CRTAM: variants seen among roughly 807,000 people sequenced by gnomAD.
CRTAM encodes the protein cytotoxic and regulatory T cell molecule, also known as cytotoxic and regulatory T-cell molecule.
In CRTAM, 44 loss-of-function variants were observed where a neutral mutation model predicts 50.0. The observed-to-expected ratio is 0.88, with a 90% confidence interval of 0.69 to 1.13. CRTAM has a LOEUF of 1.13. Among genes scored for constraint, CRTAM ranks in the 50% most tolerant of loss-of-function variants. CRTAM has a pLI of 0.00. For synonymous variants in CRTAM, 159 were observed against 169.3 expected (o/e 0.94, Z 0.47); for missense variants, 448 against 457.5 (o/e 0.98, Z 0.19).
chr11:122,851,180 C>A (rs1352995550), intron 2 of CRTAM, among the ~76,000 whole-genome samples: 1 of 151,398 alleles, frequency 6.6e-6, no homozygotes, highest in Non-Finnish European at 1.5e-5. Context: ...GCAGGAGAAT[C>A]ACTTGAATCT....
intron 4 of CRTAM, 81 bp downstream of exon 4, chr11:122,854,167 T>A: frequency 7.2e-7 from 1 of 1,382,306 alleles, no homozygotes; most frequent in South Asian, 1.3e-5. Flanking sequence ...CACCCTCTAG[T>A]GGCAGACAAT....
intron 5 of CRTAM, among the ~76,000 whole-genome samples, chr11:122,860,343 CCTGGCCTA>C (rs1862055659): frequency 6.6e-6 from 1 of 152,048 alleles, no homozygotes; most frequent in African/African-American, 2.4e-5. Context: ...AGCCACTGCA[CCTGGCCTA>C]AATTTTTAAT....
chr11:122,866,138 C>G (rs1862170258), intron 7 of CRTAM, among the ~76,000 whole-genome samples: 1 of 152,172 alleles, frequency 6.6e-6, no homozygotes, highest in South Asian at 2.1e-4. Context: ...CTATTACCTA[C>G]TTCTGCAGTC....
chr11:122,854,153 T>TTGGCACCCTCTAG, intron 4 of CRTAM, 67 bp downstream of exon 4: 1 of 1,548,074 alleles, frequency 6.5e-7, no homozygotes, highest in Non-Finnish European at 8.8e-7. Flanking sequence ...TTTAAATGTT[T>TTGGCACCCTCTAG]TGGCACCCTC....
At chr11:122,855,546 A>T in intron 4 of CRTAM, 149 bp from the exon 5 acceptor site, 1 of 584,892 alleles carries the variant, frequency 1.7e-6, no homozygotes, top group Non-Finnish European at 2.9e-6. Context: ...CTTTGTGACC[A>T]GAACCAAGCC....
intron 3 of CRTAM, among the ~76,000 whole-genome samples, chr11:122,853,365 C>T (rs572342627): frequency 3.3e-5 from 5 of 151,978 alleles, no homozygotes; most frequent in South Asian, 4.2e-4. Context: ...CCACCTCGCC[C>T]GGCCTCATAT....
chr11:122,854,953 A>G (rs1861985945), intron 4 of CRTAM, among the ~76,000 whole-genome samples: 2 of 151,982 alleles, frequency 1.3e-5, no homozygotes, highest in South Asian at 2.1e-4. Context: ...TATGTAATCA[A>G]CCATCTTTTT....
At chr11:122,865,363 C>T (rs866982143) in intron 7 of CRTAM, among the ~76,000 whole-genome samples, 8 of 152,082 alleles carry the variant, frequency 5.3e-5, no homozygotes, top group Admixed American at 3.9e-4. Context: ...AAAGAGTTTA[C>T]TCATTCCCAA....
In CRTAM at chr11:122,861,423, T is replaced by G. The variant is rs1313842855; in HGVS notation, c.653-1041T>G. 9.3e-3 allele frequency among the ~76,000 whole-genome samples: 354 copies of G among 37,984 alleles called. 10 individuals are homozygous for G. The highest frequency in any genetic ancestry group is 0.034 in the African/African-American group (284 of 8,240). The allele number at this position is 37,984 out of a possible 152,430, so 24.9% of individuals were successfully genotyped here. A position where few individuals can be genotyped will look rare whatever the true frequency, so the allele number is the denominator to read the frequency against. ...ATATATATATATATATATATATATT[T>G]TTTTTTTTTTTTTTTTTTTTTTTTT... is the stretch of plus-strand genomic sequence containing the variant. On this transcript the variant is annotated intron_variant, in intron 5 of 9. Transcript: ENST00000227348.
intron 9 of CRTAM, 129 bp from the exon 10 acceptor site, chr11:122,871,140 C>A: frequency 1.2e-6 from 1 of 831,954 alleles, no homozygotes; most frequent in Non-Finnish European, 1.9e-6. Context: ...TTATATGCAT[C>A]AGTAAGTTTT....
intron 1 of CRTAM, among the ~76,000 whole-genome samples, chr11:122,847,839 G>A (rs1435943220): frequency 6.6e-6 from 1 of 152,166 alleles, no homozygotes; most frequent in East Asian, 1.9e-4. Context: ...CTTATGCTAT[G>A]GAAAAGACTT....
chr11:122,867,365 A>T (rs2135255330), intron 7 of CRTAM, 44 bp from the exon 8 acceptor site: 2 of 1,568,126 alleles, frequency 1.3e-6, no homozygotes, highest in East Asian at 2.2e-5. Flanking sequence ...AAAAAAAAAA[A>T]AAAAACCCAA....
intron 1 of CRTAM, among the ~76,000 whole-genome samples, chr11:122,846,169 G>A (rs1021244166): frequency 2.6e-5 from 4 of 152,166 alleles, no homozygotes; most frequent in Admixed American, 2.0e-4. Flanking sequence ...TGTAGGGCAC[G>A]CCAAGTATGC....
At chr11:122,850,453 A>C (rs578242256) in intron 2 of CRTAM, among the ~76,000 whole-genome samples, 1 of 152,336 alleles carries the variant, frequency 6.6e-6, no homozygotes, top group South Asian at 2.1e-4. Flanking sequence ...GGTTCAGATT[A>C]CAAAGCACAT....
intron 3 of CRTAM, 129 bp downstream of exon 3, chr11:122,851,974 T>A: frequency 1.4e-6 from 1 of 727,998 alleles, no homozygotes; most frequent in Non-Finnish European, 2.2e-6. Context: ...ACCTCTGCCA[T>A]CTTTTATTGA....
At chr11:122,867,329 A>G (rs911750607) in intron 7 of CRTAM, 80 bp from the exon 8 acceptor site, 4 of 1,233,078 alleles carry the variant, frequency 3.2e-6, no homozygotes, top group Non-Finnish European at 4.5e-6. Flanking sequence ...ACATTGTAGA[A>G]GTATTGTTAC....
chr11:122,868,209 TGTGTGTG>T, intron 9 of CRTAM, 110 bp downstream of exon 9: 1 of 603,804 alleles, frequency 1.7e-6, no homozygotes, highest in South Asian at 2.2e-5. Flanking sequence ...TGTGTGTGTG[TGTGTGTG>T]TGTGTGTGTG....
chr11:122,869,512 G>A (rs985984350), intron 9 of CRTAM, among the ~76,000 whole-genome samples: 2 of 152,184 alleles, frequency 1.3e-5, no homozygotes, highest in African/African-American at 4.8e-5. Context: ...AGGAGATTGT[G>A]TATGGGAAGT....
Position 122,851,794 on chromosome 11 carries a change from T to C in CRTAM, c.295T>C (p.Leu99=), listed in dbSNP as rs930690106. Reference sequence around the variant, plus strand: ...GCAAGATGAAGGCGTGTACAAGTGCTTACATTACAGCGACTCTGTAAGCAC... The same window carrying C: ...GCAAGATGAAGGCGTGTACAAGTGCCTACATTACAGCGACTCTGTAAGCAC... ...TLQDEGVYKC[L]HYSDSVSTKE... The change falls in exon 3 of 10, where the codon TTA becomes CTA. Residue 99 remains leucine (L), a synonymous_variant. Transcript: ENST00000227348. The C allele has an allele frequency of 6.8e-6, 11 of 1,614,076 alleles. No individual in the cohort carries two copies. In the Admixed American group the frequency reaches 1.3e-4, roughly 20 times the overall value.
Sources: allele counts gnomAD v4.1 joint callset (sites outside exome capture counted in the v4.1 genomes callset), GRCh38; gene constraint gnomAD v4.1.1; transcripts MANE v1.5; gene names NCBI Gene and HGNC (gene_info 2026-07-23, HGNC 2026-07-21).